The following TRIM10 variants were observed in gnomAD, a reference collection of about 807,000 sequenced individuals.
TRIM10 encodes the protein tripartite motif containing 10, also known as tripartite motif-containing protein 10.
In TRIM10, 42 loss-of-function variants were observed where a neutral mutation model predicts 40.0. The observed-to-expected ratio is 1.05, with a 90% CI of 0.82 to 1.36. TRIM10 has a LOEUF of 1.36. TRIM10 is among the 40% of genes most tolerant of loss of function. The probability of loss-of-function intolerance (pLI) is 0.00; values close to 1 mark genes in which losing one functional copy is unlikely to be tolerated. For missense variants in TRIM10, 601 were observed against 608.3 expected, an observed-to-expected ratio of 0.99 and a Z score of 0.13; for synonymous variants, 260 against 239.5, an observed-to-expected ratio of 1.09 and a Z score of -0.79.
In TRIM10 at chr6:30,152,410, C is replaced by G. The variant is rs1772097842; in HGVS notation, c.*1559G>C. The G allele has an allele frequency of 6.6e-6, 1 of 152,182 alleles. No homozygotes were observed. The highest frequency in any genetic ancestry group is 6.5e-5 in the Admixed American group (1 of 15,282). 9.4% of individuals were successfully genotyped at this position (152,182 alleles called of 1,614,324 possible). A position where few individuals can be genotyped will look rare whatever the true frequency, so the allele number is the denominator to read the frequency against. ...TGGATATGTTTTATCATTATATAGG[C>G]ACTTGTGTGTGTCTGTATTTTTTTG... On this transcript the variant is annotated 3_prime_UTR_variant, in exon 7 of 7. Coordinates refer to ENST00000449742, the MANE Select transcript of TRIM10 (RefSeq NM_006778.4).
chr6:30,157,794 C>T (rs1224708745), intron 3 of TRIM10, among the ~76,000 whole-genome samples: 1 of 149,850 alleles, frequency 6.7e-6, no homozygotes, highest in Non-Finnish European at 1.5e-5. Flanking sequence ...TGCATAGAGT[C>T]ACAGAGCATT....
rs1320677042 is a variant in TRIM10, at chr6:30,153,201, CAG to C, written c.*766_*767del. The C allele has an allele frequency of 6.3e-6, 1 of 158,188 alleles. No homozygotes were observed. Among genetic ancestry groups the C allele is most frequent in the Non-Finnish European group, 1.4e-5 (1 of 71,410 alleles). 9.8% of individuals were successfully genotyped at this position (158,188 alleles called of 1,614,324 possible). On this transcript the variant is annotated 3_prime_UTR_variant, in exon 7 of 7. Coordinates refer to ENST00000449742, the MANE Select transcript of TRIM10 (RefSeq NM_006778.4). ...GAGACAACCCAGTGCTCCAGAGTCA[CAG>C]GTCATCCAGCCAGTTCTCTGCTGTT...
At chr6:30,155,415 G>A (rs764174931) in intron 6 of TRIM10, among the ~76,000 whole-genome samples, 4 of 152,054 alleles carry the variant, frequency 2.6e-5, no homozygotes, top group Non-Finnish European at 5.9e-5. Flanking sequence ...CTATCTACTC[G>A]ACATGCGCAG....
Position 30,152,613 on chromosome 6 carries a change from GC to G in TRIM10, c.*1355del, listed in dbSNP as rs1182081601. 1 of 152,234 alleles carries G rather than the reference GC, an allele frequency of 6.6e-6. No homozygotes were observed. The highest frequency in any genetic ancestry group is 2.4e-5 in the African/African-American group (1 of 41,436). The allele number at this position is 152,234 out of a possible 1,614,324, so 9.4% of individuals were successfully genotyped here. On this transcript the variant is annotated 3_prime_UTR_variant, in exon 7 of 7. Transcript: ENST00000449742. ...CGCTGTGCCCTCTGCCTTTGAGTTT[GC>G]ACCCTGGATGGCTCCCCTCCTCCCA... is the stretch of plus-strand genomic sequence containing the variant.
At chr6:30,158,270 T>C (rs887785547) in intron 3 of TRIM10, 129 bp downstream of exon 3, 28 of 791,862 alleles carry the variant, frequency 3.5e-5, no homozygotes, top group Non-Finnish European at 5.3e-5. Context: ...TGAGACTTTC[T>C]GGTCCTCTGA....
intron 2 of TRIM10, 89 bp from the exon 3 acceptor site, chr6:30,158,718 G>A (rs923197434): frequency 3.8e-6 from 4 of 1,052,642 alleles, no homozygotes; most frequent in Non-Finnish European, 4.4e-6. Context: ...GGTAGATCTG[G>A]AACTGTGTCA....
At position 30,158,466 on chromosome 6, in the gene TRIM10, C is replaced by A. The variant is rs746467216; in HGVS notation, c.689G>T (p.Cys230Phe). 2 of 1,613,108 alleles carry A rather than the reference C, an allele frequency of 1.2e-6. No homozygotes were observed. Among genetic ancestry groups the A allele is most frequent in the Admixed American group, 1.7e-5 (1 of 60,022 alleles). ...EFDLLVAGEICRFSALIEELE... is the reference protein window; with the variant it reads ...EFDLLVAGEIFRFSALIEELE... ...TTCTTCAATAAGAGCACTAAACCGG[C>A]AGATCTCCCCAGCAACCAGCAAATC... Residue 230 changes from cysteine to phenylalanine, a missense_variant, in exon 3 of 7, where the codon TGC becomes TTC. Cys to Phe is a radical substitution (Grantham distance 205). Transcript: ENST00000449742.
Position 30,156,992 on chromosome 6 carries a change from C to T in TRIM10, c.842G>A (p.Arg281Gln), listed in dbSNP as rs767856699. The T allele has an allele frequency of 1.6e-5, 26 of 1,613,074 alleles. No homozygotes were observed. In the East Asian group the frequency reaches 2.7e-4, roughly 17 times the overall value. ...CGGGAGGGCCTGCTGGGGAAAGTCCCGAATCCTCTGGCCCAGCTCTGGCGA... is the reference window on the plus strand; with the variant it reads ...CGGGAGGGCCTGCTGGGGAAAGTCCTGAATCCTCTGGCCCAGCTCTGGCGA... ...AVSPELGQRI[R>Q]DFPQQALPLQ... Residue 281 changes from arginine to glutamine, a missense_variant, in exon 5 of 7, where the codon CGG becomes CAG. Transcript: ENST00000449742.
chr6:30,155,641 A>G, intron 6 of TRIM10, 86 bp downstream of exon 6: 1 of 1,220,050 alleles, frequency 8.2e-7, no homozygotes, highest in South Asian at 1.3e-5. Flanking sequence ...TCATAGTCAT[A>G]ACATAGTCAT....
chr6:30,163,659 G>A (rs753696474), upstream of TRIM10: 1 of 1,580,448 alleles, frequency 6.3e-7, no homozygotes, highest in East Asian at 2.2e-5. Context: ...GGAGACCGGA[G>A]TGGACGGGCT....
chr6:30,160,046 A>T (rs1772923849), intron 1 of TRIM10, among the ~76,000 whole-genome samples: 1 of 152,106 alleles, frequency 6.6e-6, no homozygotes, highest in African/African-American at 2.4e-5. Flanking sequence ...ACATACTCAG[A>T]CTCCCATCCA....
intron 3 of TRIM10, among the ~76,000 whole-genome samples, chr6:30,157,659 T>C (rs999568853): frequency 1.9e-4 from 1 of 5,402 alleles, no homozygotes; most frequent in Non-Finnish European, 3.5e-4. Flanking sequence ...CTAATTTTCT[T>C]TTTTTTTTTT....
rs552504552 is a variant in TRIM10, at chr6:30,152,413, T to G, written c.*1556A>C. On this transcript the variant is annotated 3_prime_UTR_variant, in exon 7 of 7. Coordinates refer to ENST00000449742, the MANE Select transcript of TRIM10 (RefSeq NM_006778.4). ...ATATGTTTTATCATTATATAGGCAC[T>G]TGTGTGTGTCTGTATTTTTTTGAAT... 1 of 152,380 alleles carries G rather than the reference T, an allele frequency of 6.6e-6. No homozygotes were observed. Among genetic ancestry groups the G allele is most frequent in the East Asian group, 1.9e-4 (1 of 5,194 alleles). The allele number at this position is 152,380 out of a possible 1,614,324, so 9.4% of individuals were successfully genotyped here.
rs770483574 is a variant in TRIM10 at position 30,160,910 on chromosome 6, G to A, written c.-52C>T. On this transcript the variant is annotated 5_prime_UTR_variant, in exon 1 of 7. Coordinates refer to ENST00000449742, the MANE Select transcript of TRIM10 (RefSeq NM_006778.4). ...AAGGCCACTCTCTCTGCTTGGCCACGGGGGAAGGGCTGGGTCACACACTCA... is the reference window on the plus strand; with the variant it reads ...AAGGCCACTCTCTCTGCTTGGCCACAGGGGAAGGGCTGGGTCACACACTCA... The A allele has an allele frequency of 2.8e-5, 42 of 1,515,396 alleles. No homozygotes were observed. Among genetic ancestry groups the A allele is most frequent in the African/African-American group, 4.1e-5 (3 of 72,858 alleles). 93.9% of individuals were successfully genotyped at this position (1,515,396 alleles called of 1,614,324 possible). A position where few individuals can be genotyped will look rare whatever the true frequency, so the allele number is the denominator to read the frequency against.
chr6:30,155,787 T>C (rs1360494334), intron 5 of TRIM10, 28 bp from the exon 6 acceptor site: 1 of 1,609,116 alleles, frequency 6.2e-7, no homozygotes, highest in Admixed American at 1.7e-5. Flanking sequence ...CAGGATGAGA[T>C]TTTATTAGTC....
intron 1 of TRIM10, among the ~76,000 whole-genome samples, chr6:30,159,706 G>A (rs901302949): frequency 6.6e-6 from 1 of 152,062 alleles, no homozygotes; most frequent in Non-Finnish European, 1.5e-5. Flanking sequence ...AAGAAACTTG[G>A]GTAATGTAAA....
chr6:30,155,578 A>G, intron 6 of TRIM10, 149 bp downstream of exon 6: 1 of 628,340 alleles, frequency 1.6e-6, no homozygotes, highest in Non-Finnish European at 2.8e-6. Flanking sequence ...ATATGTGTAT[A>G]TATAATATAT....
chr6:30,163,541 C>CCTCTCT (rs200720900), upstream of TRIM10: 18 of 1,080,760 alleles, frequency 1.7e-5, no homozygotes, highest in Non-Finnish European at 2.0e-5. Context: ...GGCATTCTTG[C>CCTCTCT]CTCTCTCTCT....
At chr6:30,157,469 T>C (rs966401593) in intron 3 of TRIM10, 78 bp from the exon 4 acceptor site, 2 of 1,397,826 alleles carry the variant, frequency 1.4e-6, no homozygotes, top group Non-Finnish European at 2.0e-6. Flanking sequence ...TCTACTTTTA[T>C]TTTATTTATT....
Sources: gnomAD v4.1 joint callset for allele counts (sites outside exome capture counted in the v4.1 genomes callset) on GRCh38, gnomAD v4.1.1 for gene constraint, MANE v1.5 for transcripts, NCBI Gene and HGNC (gene_info 2026-07-23, HGNC 2026-07-21) for gene names.